Variants in ZBED1 observed in about 807,000 individuals in gnomAD.
ZBED1 encodes the protein zinc finger BED-type containing 1.
In ZBED1, 19 loss-of-function variants were observed where a neutral mutation model predicts 49.7. That is an observed-to-expected ratio of 0.38 (90% CI 0.27 to 0.56). The LOEUF (loss-of-function observed/expected upper bound fraction) is 0.56, where lower values mean the gene tolerates loss of function less well. Among genes scored for constraint, ZBED1 ranks in the 20% least tolerant of loss-of-function variants. The probability of loss-of-function intolerance (pLI) is 0.70; values close to 1 mark genes in which losing one functional copy is unlikely to be tolerated. For synonymous variants in ZBED1, 439 were observed against 440.3 expected, an observed-to-expected ratio of 1.00 and a Z score of 0.04; for missense variants, 806 against 972.6, an observed-to-expected ratio of 0.83 and a Z score of 2.28.
rs866432028 is a variant in ZBED1 at position 2,500,971 on chromosome X, C to T, written c.-208G>A. ...CGCCGCTTCCGCGCCGCCCGCGGGA[C>T]TCTGCGCCCGCCCGCCCGGACGGAC... On this transcript the variant is annotated 5_prime_UTR_variant, in exon 1 of 2. Coordinates refer to ENST00000652001, the MANE Select transcript of ZBED1 (RefSeq NM_001171136.2). 5.8e-5 allele frequency: 56 copies of T among 969,180 alleles called. No homozygotes were observed. Among genetic ancestry groups the T allele is most frequent in the Non-Finnish European group, 5.8e-5 (47 of 809,288 alleles). 60.0% of individuals were successfully genotyped at this position (969,180 alleles called of 1,614,324 possible).
At chrX:2,496,272 G>C (rs1040723868) in intron 1 of ZBED1, among the ~76,000 whole-genome samples, 21 of 152,100 alleles carry the variant, frequency 1.4e-4, no homozygotes, top group African/African-American at 5.1e-4. Flanking sequence ...AATCTTGGCT[G>C]ACTGCAACCT....
chrX:2,489,881 G>A lies in ZBED1; in HGVS notation c.839C>T (p.Ser280Phe). 2 of 1,613,832 alleles carry A rather than the reference G, an allele frequency of 1.2e-6. No individual in the cohort carries two copies. The highest frequency in any genetic ancestry group is 1.7e-6 in the Non-Finnish European group (2 of 1,179,872). ...NYGKDIVKAC[S>F]LLDVAVHMPC... ...CATGTGCACTGCGACGTCCAGCAGGGAGCACGCCTTCACGATGTCCTTGCC... is the reference window on the plus strand; with the variant it reads ...CATGTGCACTGCGACGTCCAGCAGGAAGCACGCCTTCACGATGTCCTTGCC... The change falls in exon 2 of 2, where the codon TCC becomes TTC. Residue 280 changes from serine to phenylalanine, a missense_variant. This residue lies in a region of ZBED1 where 749 missense variants were observed against 861.3 expected (regional missense o/e 0.87). Transcript: ENST00000652001.
At chrX:2,495,279 TATC>T (rs2124129290) in intron 1 of ZBED1, among the ~76,000 whole-genome samples, 1 of 151,762 alleles carries the variant, frequency 6.6e-6, no homozygotes, top group Admixed American at 6.6e-5. Flanking sequence ...TTATCATTAT[TATC>T]ATTATTCCTA....
chrX:2,500,654 G>GCCCCCCCCCCCCCCCCCCCCCCC (rs546772121), intron 1 of ZBED1, 163 bp downstream of exon 1: 1 of 126,740 alleles, frequency 7.9e-6, no homozygotes, highest in Admixed American at 7.7e-5. Flanking sequence ...CGCGCACGCC[G>GCCCCCCCCCCCCCCCCCCCCCCC]CCCCCCCCCC....
rs1243315966 is a variant in ZBED1, at chrX:2,490,404, C to T, written c.316G>A (p.Gly106Arg). The change falls in exon 2 of 2, where the codon GGG becomes AGG. Residue 106 changes from glycine (G) to arginine (R), a missense_variant. Gly to Arg is a moderately radical substitution (Grantham distance 125). Transcript: ENST00000652001. ...GCCTTGACGGCCAGCGCGTCCTGCC[C>T]GGGCTGCTGGGACGACTCGGGCTTC... ...KLKPESSQQP[G>R]QDALAVKAGH... is the part of the protein sequence containing the mutation. 10 of 1,613,816 alleles carry T rather than the reference C, an allele frequency of 6.2e-6. No individual in the cohort carries two copies. The highest frequency in any genetic ancestry group is 1.3e-5 in the African/African-American group (1 of 74,934).
At chrX:2,496,199 T>G (rs4892843) in intron 1 of ZBED1, among the ~76,000 whole-genome samples, 1,647 of 152,268 alleles carry the variant, frequency 0.011, 43 homozygotes, top group East Asian at 0.086. Flanking sequence ...TTTGTTTTTT[T>G]GTTTTTTTGG....
rs779821380 is a variant in ZBED1 at position 2,490,418 on chromosome X, G to A, written c.302C>T (p.Ser101Leu). 33 of 1,613,808 alleles carry A rather than the reference G, an allele frequency of 2.0e-5. No individual in the cohort carries two copies. Among genetic ancestry groups the A allele is most frequent in the African/African-American group, 1.3e-4 (10 of 74,928 alleles). ...ATAFSKLKPESSQQPGQDALA... is the reference protein window; with the variant it reads ...ATAFSKLKPELSQQPGQDALA... ...CGCGTCCTGCCCGGGCTGCTGGGAC[G>A]ACTCGGGCTTCAGCTTGGAGAAGGC... is the stretch of plus-strand genomic sequence containing the variant. The change falls in exon 2 of 2, where the codon TCG (serine) becomes TTG (leucine). Residue 101 changes from serine (S) to leucine (L), a missense_variant. Ser to Leu is a moderately radical substitution (Grantham distance 145). This residue lies in a region of ZBED1 where 749 missense variants were observed against 861.3 expected (regional missense o/e 0.87). Coordinates refer to ENST00000652001, the MANE Select transcript of ZBED1 (RefSeq NM_001171136.2).
Position 2,489,262 on chromosome X carries a change from G to A in ZBED1, c.1458C>T (p.Ser486=), listed in dbSNP as rs200767154. The change falls in exon 2 of 2, where the codon TCC becomes TCT. Residue 486 remains serine, a synonymous_variant. Coordinates refer to ENST00000652001, the MANE Select transcript of ZBED1 (RefSeq NM_001171136.2). ...DPRYKRLPFL[S]AFERQQVENR... is the part of the protein sequence containing the mutation. The stretch of plus-strand genomic sequence containing the variant: ...TCTCCACCTGCTGCCGCTCGAAGGC[G>A]GAGAGGAAGGGCAGCCTCTTGTAGC... The A allele has an allele frequency of 5.3e-5, 86 of 1,613,968 alleles. No individual in the cohort carries two copies. Among genetic ancestry groups the A allele is most frequent in the Admixed American group, 1.7e-4 (10 of 60,018 alleles).
At chrX:2,496,857 G>A (rs1442853288) in intron 1 of ZBED1, among the ~76,000 whole-genome samples, 1 of 147,014 alleles carries the variant, frequency 6.8e-6, no homozygotes, top group African/African-American at 2.5e-5. Flanking sequence ...TATATTTATA[G>A]AAAAGTATAA....
At chrX:2,498,487 A>T (rs2045334415) in intron 1 of ZBED1, among the ~76,000 whole-genome samples, 1 of 152,194 alleles carries the variant, frequency 6.6e-6, no homozygotes, top group Non-Finnish European at 1.5e-5. Context: ...GATGAGGGCA[A>T]GCCACTTAAG....
chrX:2,493,968 G>A (rs1440108560), intron 1 of ZBED1, among the ~76,000 whole-genome samples: 2 of 148,216 alleles, frequency 1.3e-5, no homozygotes, highest in African/African-American at 2.5e-5. Flanking sequence ...GCAAAACTCC[G>A]TCTCAAAGAA....
intron 1 of ZBED1, among the ~76,000 whole-genome samples, chrX:2,492,751 G>GA (rs933147027): frequency 6.6e-5 from 10 of 152,240 alleles, no homozygotes; most frequent in Non-Finnish European, 7.3e-5. Context: ...GGAGAGGCAG[G>GA]AAGCACCCTC....
chrX:2,489,037 C>T lies in ZBED1; in HGVS notation c.1683G>A (p.Gln561=). 6.2e-7 allele frequency: 1 copy of T among 1,613,704 alleles called. No individual in the cohort carries two copies. The highest frequency in any genetic ancestry group is 8.5e-7 in the Non-Finnish European group (1 of 1,179,758). ...IFCQTGGVED[Q]EEWHAQVVEE... ...CCACCACCTGGGCATGCCACTCTTCCTGGTCCTCCACGCCGCCTGTCTGGC... is the reference window on the plus strand; with the variant it reads ...CCACCACCTGGGCATGCCACTCTTCTTGGTCCTCCACGCCGCCTGTCTGGC... The change falls in exon 2 of 2, where the codon CAG becomes CAA. Residue 561 remains glutamine (Q), a synonymous_variant. Transcript: ENST00000652001.
chrX:2,490,004 G>A lies in ZBED1; in HGVS notation c.716C>T (p.Pro239Leu). 1 of 1,613,884 alleles carries A rather than the reference G, an allele frequency of 6.2e-7. No individual in the cohort carries two copies. Among genetic ancestry groups the A allele is most frequent in the Non-Finnish European group, 8.5e-7 (1 of 1,179,880 alleles). The change falls in exon 2 of 2, where the codon CCC (proline) becomes CTC (leucine). Residue 239 changes from proline to leucine, a missense_variant. This residue lies in a region of ZBED1 where 749 missense variants were observed against 861.3 expected (regional missense o/e 0.87). Coordinates refer to ENST00000652001, the MANE Select transcript of ZBED1 (RefSeq NM_001171136.2). ...GATGGTCTCCGCCGTGTTCTCTTCG[G>A]GCACCTCGAAGGTCTTCAGGCAGCG... ...GSRCLKTFEV[P>L]EENTAETITR... is the part of the protein sequence containing the mutation.
At chrX:2,492,107 T>C (rs918132434) in intron 1 of ZBED1, among the ~76,000 whole-genome samples, 1 of 152,186 alleles carries the variant, frequency 6.6e-6, no homozygotes, top group Non-Finnish European at 1.5e-5. Flanking sequence ...ATGATGACTA[T>C]AGTGGGTTGA....
intron 1 of ZBED1, among the ~76,000 whole-genome samples, chrX:2,497,865 A>G (rs2045320849): frequency 6.6e-6 from 1 of 152,222 alleles, no homozygotes; most frequent in Non-Finnish European, 1.5e-5. Flanking sequence ...GGCCATATCA[A>G]TGTTCAAGTT....
intron 1 of ZBED1, among the ~76,000 whole-genome samples, chrX:2,496,287 CTCCCAGGT>C (rs1028051519): frequency 3.5e-4 from 54 of 152,330 alleles, no homozygotes; most frequent in Middle Eastern, 3.4e-3. Flanking sequence ...CAACCTCCAC[CTCCCAGGT>C]TCACACCATT....
At chrX:2,495,516 A>G (rs1353587096) in intron 1 of ZBED1, among the ~76,000 whole-genome samples, 6 of 152,152 alleles carry the variant, frequency 3.9e-5, no homozygotes, top group Non-Finnish European at 7.3e-5. Flanking sequence ...AGGAGAAACA[A>G]GAAGCTCCCT....
In ZBED1 at chrX:2,489,125, A is replaced by C; in HGVS notation, c.1595T>G (p.Leu532Arg). 1 of 1,613,548 alleles carries C rather than the reference A, an allele frequency of 6.2e-7. No homozygotes were observed. Among genetic ancestry groups the C allele is most frequent in the Non-Finnish European group, 8.5e-7 (1 of 1,179,836 alleles). The change falls in exon 2 of 2, where the codon CTC becomes CGC. Residue 532 changes from leucine to arginine, a missense_variant. Physicochemically the swap from Leu to Arg is moderately radical, Grantham distance 102. Around this residue, in one of 2 missense-constraint regions of ZBED1, gnomAD observed 749 missense variants for 861.3 expected, o/e 0.87. Coordinates refer to ENST00000652001, the MANE Select transcript of ZBED1 (RefSeq NM_001171136.2). ...GGGCGGCGGCGTGGATGTCCGCATG[A>C]GCTTCTTGACGGGAGGCTCCTCGGG... ...PVPEEPPVKKLMRTSTPPPAS... is the reference protein window; with the variant it reads ...PVPEEPPVKKRMRTSTPPPAS...
Sources: gnomAD v4.1 joint callset for allele counts (sites outside exome capture counted in the v4.1 genomes callset) on GRCh38, gnomAD v4.1.1 for gene constraint, gnomAD v4.1.1 regional missense constraint, MANE v1.5 for transcripts, NCBI Gene and HGNC (gene_info 2026-07-23, HGNC 2026-07-21) for gene names.